Variants in TGFBR3 observed in about 807,000 individuals in gnomAD.
TGFBR3 encodes transforming growth factor beta receptor 3.
In TGFBR3, 46 loss-of-function variants were observed where a neutral mutation model predicts 87.9. The observed-to-expected ratio is 0.52, with a 90% CI of 0.41 to 0.67. TGFBR3 has a LOEUF of 0.67. Among genes scored for constraint, TGFBR3 ranks in the 30% least tolerant of loss-of-function variants. The pLI is 0.00. For synonymous variants in TGFBR3, 381 were observed against 391.6 expected (o/e 0.97, Z 0.32); for missense variants, 866 against 1,041.9 (o/e 0.83, Z 2.32).
rs1327546725 is a variant in TGFBR3, at chr1:91,696,062, G to A, written c.2330-283C>T. Among the ~76,000 whole-genome samples the A allele has an allele frequency of 5.9e-5, 9 of 152,296 alleles. No individual in the cohort carries two copies. The East Asian group carries it at 1.5e-3, about 26-fold the overall frequency. On this transcript the variant is annotated intron_variant, in intron 15 of 16. Transcript: ENST00000212355. Reference sequence around the variant, plus strand: ...TTGCAAACTCAGTAAAATCTTGTCTGTCATCTCATTGTCTCACTCTAAGGA... The same window carrying A: ...TTGCAAACTCAGTAAAATCTTGTCTATCATCTCATTGTCTCACTCTAAGGA...
chr1:91,826,050 T>G (rs1425315835), intron 2 of TGFBR3, among the ~76,000 whole-genome samples: 1 of 152,024 alleles, frequency 6.6e-6, no homozygotes, highest in African/African-American at 2.4e-5. Flanking sequence ...CGAAGTATCC[T>G]TTTTCGTTCA....
intron 2 of TGFBR3, among the ~76,000 whole-genome samples, chr1:91,893,957 C>T (rs188218354): frequency 0.018 from 2,650 of 150,602 alleles, 45 homozygotes; most frequent in Middle Eastern, 0.031. Context: ...TGGCCAGGCG[C>T]GGTGGCTCAC....
chr1:91,758,910 A>C (rs1376361507), intron 3 of TGFBR3, among the ~76,000 whole-genome samples, 160 bp from the exon 4 acceptor site: 2 of 152,222 alleles, frequency 1.3e-5, no homozygotes, highest in Non-Finnish European at 2.9e-5. Flanking sequence ...GTTGAACCAG[A>C]TGATATTGCC....
intron 2 of TGFBR3, among the ~76,000 whole-genome samples, chr1:91,892,591 G>A (rs1557766014): frequency 6.6e-6 from 1 of 152,142 alleles, no homozygotes; most frequent in Non-Finnish European, 1.5e-5. Context: ...TGCATTGTGA[G>A]TCCTTTAGTC....
intron 7 of TGFBR3, among the ~76,000 whole-genome samples, chr1:91,723,480 TAAAAAAAAAAAA>T (rs58578681): frequency 5.5e-5 from 6 of 109,144 alleles, no homozygotes; most frequent in South Asian, 3.5e-4. Context: ...GACCCTGCCT[TAAAAAAAAAAAA>T]AAAAAAAAAA....
chr1:91,779,734 A>C (rs187715938), intron 3 of TGFBR3, among the ~76,000 whole-genome samples: 3 of 149,782 alleles, frequency 2.0e-5, no homozygotes, highest in Non-Finnish European at 4.4e-5. Context: ...GGAGCATGGA[A>C]CTCAAACTAA....
chr1:91,705,537 CTT>C, intron 14 of TGFBR3, among the ~76,000 whole-genome samples: 1 of 146,750 alleles, frequency 6.8e-6, no homozygotes, highest in Non-Finnish European at 1.5e-5. Flanking sequence ...CCCACAGTCT[CTT>C]TTCAAATGAC....
At chr1:91,852,121 T>C (rs1278035123) in intron 2 of TGFBR3, among the ~76,000 whole-genome samples, 1 of 152,132 alleles carries the variant, frequency 6.6e-6, no homozygotes, top group Admixed American at 6.5e-5. Flanking sequence ...TGGTGGCATG[T>C]GCCTGTAGTT....
chr1:91,724,749 A>G (rs1036415201), intron 7 of TGFBR3, among the ~76,000 whole-genome samples: 12 of 152,152 alleles, frequency 7.9e-5, no homozygotes, highest in Non-Finnish European at 1.5e-4. Flanking sequence ...CGCCAAATGC[A>G]GGTGTACAAG....
intron 1 of TGFBR3, among the ~76,000 whole-genome samples, chr1:91,867,853 TTATAA>T (rs1314689182): frequency 2.0e-5 from 3 of 152,300 alleles, no homozygotes; most frequent in South Asian, 2.1e-4. Context: ...AATATTTTGA[TTATAA>T]TATAAGACAG....
chr1:91,695,579 T>G, intron 16 of TGFBR3, 93 bp downstream of exon 16: 4 of 1,056,690 alleles, frequency 3.8e-6, no homozygotes, highest in Non-Finnish European at 5.9e-6. Flanking sequence ...ACTTTCTCTT[T>G]CATTCGTTAT....
At chr1:91,794,768 T>C (rs2100999650) in intron 3 of TGFBR3, among the ~76,000 whole-genome samples, 1 of 152,324 alleles carries the variant, frequency 6.6e-6, no homozygotes, top group East Asian at 1.9e-4. Context: ...GGATATACCA[T>C]ATTTTATTTA....
rs1476939491 is a variant in TGFBR3 at position 91,681,713 on chromosome 1, A to G, written c.*2026T>C. On this transcript the variant is annotated 3_prime_UTR_variant, in exon 17 of 17. Transcript: ENST00000212355. ...CTAAAACACTTAAATATATCTTTAT[A>G]CACAAATTTTGTAGTAAAATATAGC... is the stretch of plus-strand genomic sequence containing the variant. 1 of 434,698 alleles carries G rather than the reference A, an allele frequency of 2.3e-6. No homozygotes were observed. Among genetic ancestry groups the G allele is most frequent in the South Asian group, 1.7e-5 (1 of 59,020 alleles). The allele number at this position is 434,698 out of a possible 1,614,324, so 26.9% of individuals were successfully genotyped here. A position where few individuals can be genotyped will look rare whatever the true frequency, so the allele number is the denominator to read the frequency against.
intron 1 of TGFBR3, among the ~76,000 whole-genome samples, chr1:91,904,501 A>G (rs967040676): frequency 1.3e-5 from 2 of 151,080 alleles, no homozygotes; most frequent in Non-Finnish European, 2.9e-5. Context: ...GGTTCAAGCA[A>G]TTCTCCTGCC....
At chr1:91,701,036 G>A (rs1478969101) in intron 14 of TGFBR3, among the ~76,000 whole-genome samples, 2 of 152,038 alleles carry the variant, frequency 1.3e-5, no homozygotes, top group African/African-American at 2.4e-5. Flanking sequence ...ATCCCCAAGC[G>A]GTTGAAAAAT....
At chr1:91,734,659 C>G (rs1468175335) in intron 5 of TGFBR3, 117 bp downstream of exon 5, 1 of 1,306,670 alleles carries the variant, frequency 7.7e-7, no homozygotes, top group Admixed American at 1.7e-5. Context: ...CCCTCAGGTC[C>G]CTTCCAGGTC....
At chr1:91,811,733 A>C (rs1341786489) in intron 2 of TGFBR3, among the ~76,000 whole-genome samples, 1 of 152,182 alleles carries the variant, frequency 6.6e-6, no homozygotes, top group Non-Finnish European at 1.5e-5. Context: ...AAAAATTTAA[A>C]ACTGGGATAA....
At chr1:91,785,258 T>C (rs1334129014) in intron 3 of TGFBR3, among the ~76,000 whole-genome samples, 1 of 152,242 alleles carries the variant, frequency 6.6e-6, no homozygotes, top group Non-Finnish European at 1.5e-5. Context: ...CCCATTCATA[T>C]GAATGTGCAG....
chr1:91,680,483 G>A lies in TGFBR3; in HGVS notation c.*3256C>T, dbSNP rs1044001746. 4.4e-6 allele frequency: 2 copies of A among 454,012 alleles called. No homozygotes were observed. 28.1% of individuals were successfully genotyped at this position (454,012 alleles called of 1,614,324 possible). ...AGAATACAACAGGGGTGTTCAAACTGGCCACAGGGATTTTAAGGGTACTCG... is the reference window on the plus strand; with the variant it reads ...AGAATACAACAGGGGTGTTCAAACTAGCCACAGGGATTTTAAGGGTACTCG... On this transcript the variant is annotated 3_prime_UTR_variant, in exon 17 of 17. Transcript: ENST00000212355.
Sources: allele counts gnomAD v4.1 joint callset (sites outside exome capture counted in the v4.1 genomes callset), GRCh38; gene constraint gnomAD v4.1.1; transcripts MANE v1.5; gene names NCBI Gene and HGNC (gene_info 2026-07-23, HGNC 2026-07-21).